Variants in CLNK observed in about 807,000 individuals in gnomAD.
CLNK encodes the protein cytokine-dependent hematopoietic cell linker.
Under a neutral mutation model 68.6 loss-of-function variants are expected in CLNK, and 74 were observed. The ratio of observed to expected loss-of-function variants is 1.08; its 90% CI spans 0.89 to 1.31. CLNK has a LOEUF of 1.31. Ranked by LOEUF, CLNK falls within the 50% of genes most tolerant of loss-of-function variation. The pLI is 0.00. For synonymous variants in CLNK, 198 were observed against 172.2 expected (o/e 1.15, Z -1.17); for missense variants, 553 against 515.3 (o/e 1.07, Z -0.71).
the CLNK span, among the ~76,000 whole-genome samples, chr4:10,731,292 A>G: frequency 6.6e-6 from 1 of 152,234 alleles, no homozygotes; most frequent in Non-Finnish European, 1.5e-5. Context: ...CTTCAAATGA[A>G]CTATCAGATA....
At chr4:10,616,784 G>GTATACATATA (rs1323743699) in intron 2 of CLNK, among the ~76,000 whole-genome samples, 5 of 11,200 alleles carry the variant, frequency 4.5e-4, no homozygotes, top group African/African-American at 8.0e-4. Flanking sequence ...ATATATGTGT[G>GTATACATATA]TGTGTGTATA....
intron 18 of CLNK, among the ~76,000 whole-genome samples, chr4:10,491,764 T>C (rs1448422041): frequency 7.6e-6 from 1 of 131,788 alleles, no homozygotes; most frequent in African/African-American, 2.9e-5. Context: ...TGAGCATATA[T>C]AGTAATTTTT....
chr4:10,618,334 A>G (rs1190861955), intron 2 of CLNK, among the ~76,000 whole-genome samples: 2 of 152,214 alleles, frequency 1.3e-5, no homozygotes, highest in Non-Finnish European at 2.9e-5. Flanking sequence ...TCTGTAGAGA[A>G]AAAAGTAGAT....
intron 2 of CLNK, among the ~76,000 whole-genome samples, chr4:10,622,247 T>C (rs1722485868): frequency 6.6e-6 from 1 of 152,198 alleles, no homozygotes; most frequent in Non-Finnish European, 1.5e-5. Context: ...ATTCCCATTA[T>C]ACTGATGGAG....
chr4:10,524,080 A>G (rs562689765), intron 14 of CLNK: 104 of 171,380 alleles, frequency 6.1e-4, no homozygotes, highest in Admixed American at 1.4e-3. Context: ...GAAAGAAAGA[A>G]AAGAGAAGAG....
intron 2 of CLNK, among the ~76,000 whole-genome samples, chr4:10,649,641 C>G (rs1186222264): frequency 6.6e-6 from 1 of 152,160 alleles, no homozygotes; most frequent in Admixed American, 6.6e-5. Flanking sequence ...TCTCTACTCT[C>G]AAACATTGAT....
chr4:10,720,462 G>A, the CLNK span, among the ~76,000 whole-genome samples: 1 of 151,968 alleles, frequency 6.6e-6, no homozygotes, highest in Non-Finnish European at 1.5e-5. Flanking sequence ...AGGATACGCA[G>A]ATGACAAATG....
At chr4:10,557,192 C>T (rs762273233) in intron 8 of CLNK, among the ~76,000 whole-genome samples, 3 of 152,150 alleles carry the variant, frequency 2.0e-5, no homozygotes, top group Non-Finnish European at 2.9e-5. Flanking sequence ...TGGCTACTCT[C>T]TGTCCCCTTT....
chr4:10,526,411 A>G (rs779048893), intron 13 of CLNK, among the ~76,000 whole-genome samples: 1 of 152,238 alleles, frequency 6.6e-6, no homozygotes, highest in Non-Finnish European at 1.5e-5. Flanking sequence ...AAGTAAGTCG[A>G]TAAGAACATT....
intron 2 of CLNK, 127 bp from the exon 3 acceptor site, chr4:10,598,176 T>TA: frequency 1.5e-6 from 1 of 647,612 alleles, no homozygotes; most frequent in Non-Finnish European, 2.7e-6. Flanking sequence ...CACACATAAT[T>TA]CTGAATCTCT....
the CLNK span, among the ~76,000 whole-genome samples, chr4:10,725,657 T>C: frequency 3.5e-4 from 53 of 152,124 alleles, no homozygotes; most frequent in African/African-American, 1.0e-3. Flanking sequence ...ATCGAGACCA[T>C]CCTGGCTAAC....
Position 10,520,838 on chromosome 4 carries a change from G to A in CLNK, c.732-7C>T. The A allele has an allele frequency of 1.3e-6, 2 of 1,596,126 alleles. No individual in the cohort carries two copies. Among genetic ancestry groups the A allele is most frequent in the South Asian group, 1.1e-5 (1 of 88,772 alleles). On this transcript the variant is annotated splice_region_variant and splice_polypyrimidine_tract_variant and intron_variant, in intron 14 of 18. Transcript: ENST00000226951. ...GCTTGTCGTGAATGAAGAACTATAA[G>A]AAAATATGTTAAAATTCAAAGAATG... is the stretch of plus-strand genomic sequence containing the variant.
chr4:10,658,776 A>G (rs1724079816), intron 2 of CLNK, among the ~76,000 whole-genome samples: 1 of 152,248 alleles, frequency 6.6e-6, no homozygotes. Flanking sequence ...TCTGTTGGTC[A>G]AAACTGCTGT....
the CLNK span, among the ~76,000 whole-genome samples, chr4:10,727,453 G>C: frequency 6.6e-6 from 1 of 152,172 alleles, no homozygotes; most frequent in Non-Finnish European, 1.5e-5. Flanking sequence ...GGAATTGGAG[G>C]GGGTCAGTCT....
At chr4:10,666,193 A>G (rs573908383) in intron 2 of CLNK, among the ~76,000 whole-genome samples, 18 of 152,264 alleles carry the variant, frequency 1.2e-4, no homozygotes, top group South Asian at 6.2e-4. Flanking sequence ...CTGAACCCTT[A>G]ATTTCGAATT....
intron 7 of CLNK, among the ~76,000 whole-genome samples, chr4:10,560,709 G>T (rs760869390): frequency 2.0e-5 from 3 of 152,200 alleles, no homozygotes; most frequent in Admixed American, 1.3e-4. Flanking sequence ...CTCCCAAAAC[G>T]TGGGGACTAC....
intron 2 of CLNK, among the ~76,000 whole-genome samples, chr4:10,642,457 G>C (rs995960613): frequency 1.5e-4 from 23 of 152,148 alleles, no homozygotes; most frequent in African/African-American, 5.6e-4. Flanking sequence ...ATACCCTAAA[G>C]GTAGACCAGT....
chr4:10,513,696 T>C, intron 15 of CLNK, 99 bp from the exon 16 acceptor site: 2 of 1,207,012 alleles, frequency 1.7e-6, no homozygotes, highest in Non-Finnish European at 2.2e-6. Context: ...CCTTCCTATA[T>C]CTGTGAGGAC....
At chr4:10,601,908 G>A (rs1178507071) in intron 2 of CLNK, among the ~76,000 whole-genome samples, 1 of 152,232 alleles carries the variant, frequency 6.6e-6, no homozygotes. Context: ...AAAGAACTGA[G>A]CACATCCTGG....
Sources: gnomAD v4.1 joint callset for allele counts (sites outside exome capture counted in the v4.1 genomes callset) on GRCh38, gnomAD v4.1.1 for gene constraint, MANE v1.5 for transcripts, NCBI Gene and HGNC (gene_info 2026-07-23, HGNC 2026-07-21) for gene names.